PIEZO2: variants seen among roughly 807,000 people sequenced by gnomAD.
PIEZO2 encodes piezo-type mechanosensitive ion channel component 2.
In PIEZO2, 172 loss-of-function variants were observed where a neutral mutation model predicts 337.3. That is an observed-to-expected ratio of 0.51 (90% confidence interval 0.45 to 0.58). The LOEUF is 0.58. Ranked by LOEUF, PIEZO2 falls within the 20% of genes least tolerant of loss-of-function variation. PIEZO2 has a pLI of 0.00. For missense variants in PIEZO2, 3,028 were observed against 3,391.3 expected (o/e 0.89, Z 2.66); for synonymous variants, 1,251 against 1,228.5 (o/e 1.02, Z -0.38).
At position 10,681,271 on chromosome 18, in the gene PIEZO2, A is replaced by G. The variant is rs1481196574; in HGVS notation, c.7779+390T>C. 3.3e-5 allele frequency among the ~76,000 whole-genome samples: 5 copies of G among 152,344 alleles called. No homozygotes were observed. The East Asian group carries it at 9.6e-4, about 29-fold the overall frequency. ...AACCAGCTCCTGTTTGCTGAACCGCAAATTGCCTCTAGTTCTGCTAATGCA... is the reference window on the plus strand; with the variant it reads ...AACCAGCTCCTGTTTGCTGAACCGCGAATTGCCTCTAGTTCTGCTAATGCA... On this transcript the variant is annotated intron_variant, in intron 51 of 55. Transcript: ENST00000674853.
In PIEZO2 at chr18:10,957,408, A is replaced by AC. The variant is rs891128474; in HGVS notation, c.286+22126_286+22127insG. On this transcript the variant is annotated intron_variant, in intron 3 of 55. Transcript: ENST00000674853. ...ACTCTTGTCTCAAAACAAACCAACA[A>AC]AAAAAAAACAAAGCAACAACAACAA... 2.3e-3 allele frequency among the ~76,000 whole-genome samples: 348 copies of AC among 151,184 alleles called. 4 individuals are homozygous for AC. Among genetic ancestry groups the AC allele is most frequent in the African/African-American group, 8.1e-3 (335 of 41,140 alleles).
At chr18:10,731,174 AGAT>A (rs1370685848) in intron 36 of PIEZO2, among the ~76,000 whole-genome samples, 1 of 17,972 alleles carries the variant, frequency 5.6e-5, no homozygotes. Flanking sequence ...CCTACTTAAA[AGAT>A]TATATATATA....
At chr18:11,004,783 C>T (rs1442893800) in intron 2 of PIEZO2, among the ~76,000 whole-genome samples, 2 of 152,180 alleles carry the variant, frequency 1.3e-5, no homozygotes, top group African/African-American at 4.8e-5. Flanking sequence ...AGTGAATTGT[C>T]ATGACATTCA....
rs2037006829 is a variant in PIEZO2, at chr18:11,038,621, G to C, written c.160+27506C>G. Among the ~76,000 whole-genome samples, 1 of 152,186 alleles carries C rather than the reference G, an allele frequency of 6.6e-6. No individual in the cohort carries two copies. The highest frequency in any genetic ancestry group is 6.5e-5 in the Admixed American group (1 of 15,284). On this transcript the variant is annotated intron_variant, in intron 2 of 55. Coordinates refer to ENST00000674853, the MANE Select transcript of PIEZO2 (RefSeq NM_001378183.1). The surrounding 1 kb of genome is among the most constrained non-coding windows in gnomAD (Gnocchi z 4.1). Reference sequence around the variant, plus strand: ...GCAGCTGAGGAGCAGCATGTAGTCAGGAAAGAGCATTCCATCAGAGCCCAG... The same window carrying C: ...GCAGCTGAGGAGCAGCATGTAGTCACGAAAGAGCATTCCATCAGAGCCCAG...
At chr18:11,106,199 G>A (rs1333105896) in intron 1 of PIEZO2, among the ~76,000 whole-genome samples, 1 of 151,612 alleles carries the variant, frequency 6.6e-6, no homozygotes, top group Non-Finnish European at 1.5e-5. Context: ...TCATTCTCCT[G>A]CCTCAGCCTC....
At position 10,903,131 on chromosome 18, in the gene PIEZO2, C is replaced by A. The variant is rs929936488; in HGVS notation, c.329+8055G>T. ...CTACACGCTGACAGTCAATTATTCA[C>A]CAAGTTGTAACTTCGAATTCTACTT... On this transcript the variant is annotated intron_variant, in intron 4 of 55. Coordinates refer to ENST00000674853, the MANE Select transcript of PIEZO2 (RefSeq NM_001378183.1). This position sits in a 1 kb window ranked among gnomAD's most constrained non-coding sequence, Gnocchi z 4.1. Among the ~76,000 whole-genome samples the A allele has an allele frequency of 6.6e-6, 1 of 152,188 alleles. No homozygotes were observed. Among genetic ancestry groups the A allele is most frequent in the African/African-American group, 2.4e-5 (1 of 41,444 alleles).
rs1327205627 is a variant in PIEZO2 at position 11,001,502 on chromosome 18, C to T, written c.161-21842G>A. On this transcript the variant is annotated intron_variant, in intron 2 of 55. Transcript: ENST00000674853. This position sits in a 1 kb window ranked among gnomAD's most constrained non-coding sequence, Gnocchi z 5.3. ...GAAAATCACGACTGTGATTATCCTC[C>T]AGTCCCCTATGTAGCTGTATTTTGT... Among the ~76,000 whole-genome samples the T allele has an allele frequency of 2.0e-5, 3 of 152,096 alleles. No homozygotes were observed. The highest frequency in any genetic ancestry group is 4.1e-4 in the South Asian group (2 of 4,826).
At chr18:10,960,153 T>G (rs1017557657) in intron 3 of PIEZO2, among the ~76,000 whole-genome samples, 1 of 152,196 alleles carries the variant, frequency 6.6e-6, no homozygotes, top group Non-Finnish European at 1.5e-5. Flanking sequence ...TTATTGAAGT[T>G]ATAAAATCCT....
intron 3 of PIEZO2, among the ~76,000 whole-genome samples, chr18:10,955,399 G>C (rs993463022): frequency 6.6e-6 from 1 of 152,162 alleles, no homozygotes; most frequent in African/African-American, 2.4e-5. Flanking sequence ...TTCTTTCTTG[G>C]TTACCTGTTA....
At chr18:10,963,207 C>T (rs575943372) in intron 3 of PIEZO2, among the ~76,000 whole-genome samples, 1 of 152,088 alleles carries the variant, frequency 6.6e-6, no homozygotes, top group South Asian at 2.1e-4. Context: ...ATCTCTTGGA[C>T]CTGGGAGGTG....
intron 2 of PIEZO2, among the ~76,000 whole-genome samples, chr18:11,015,912 GA>G (rs1485680829): frequency 6.6e-6 from 1 of 152,214 alleles, no homozygotes; most frequent in Admixed American, 6.5e-5. Flanking sequence ...TTTTGAAAAT[GA>G]AAACTTTCTA....
rs115762904 is a variant in PIEZO2, at chr18:11,129,934, G to A, written c.64+18591C>T. On this transcript the variant is annotated intron_variant, in intron 1 of 55. Transcript: ENST00000674853. This position sits in a 1 kb window ranked among gnomAD's most constrained non-coding sequence, Gnocchi z 4.6. ...CTCATCCTGTGGTCATTTCCCCAATGCCAGAATGCATAATTGACATAGACA... is the reference window on the plus strand; with the variant it reads ...CTCATCCTGTGGTCATTTCCCCAATACCAGAATGCATAATTGACATAGACA... 9.7e-3 allele frequency among the ~76,000 whole-genome samples: 1,482 copies of A among 152,252 alleles called. 29 individuals carry two copies. The highest frequency in any genetic ancestry group is 0.034 in the African/African-American group (1,410 of 41,556).
intron 2 of PIEZO2, among the ~76,000 whole-genome samples, chr18:11,020,051 T>C (rs747212779): frequency 1.3e-5 from 2 of 152,124 alleles, no homozygotes; most frequent in East Asian, 1.9e-4. Flanking sequence ...TTTAAAAAAA[T>C]TGTATATGAA....
Position 11,125,151 on chromosome 18 carries a change from A to AAC in PIEZO2, c.64+23372_64+23373dup, listed in dbSNP as rs10576283. ...TTTGCAAATATTAAATGGGAGAAAG[A>AAC]ACACACACACACACACATGCACACA... On this transcript the variant is annotated intron_variant, in intron 1 of 55. Transcript: ENST00000674853. The surrounding 1 kb of genome is among the most constrained non-coding windows in gnomAD (Gnocchi z 4.4). Among the ~76,000 whole-genome samples, 1,569 of 151,490 alleles carry AAC rather than the reference A, an allele frequency of 0.01. 25 individuals are homozygous for AAC. The highest frequency in any genetic ancestry group is 0.032 in the African/African-American group (1,312 of 41,342).
Position 11,027,019 on chromosome 18 carries a change from ACT to A in PIEZO2, c.160+39106_160+39107del, listed in dbSNP as rs1420686807. 6.6e-6 allele frequency among the ~76,000 whole-genome samples: 1 copy of A among 152,188 alleles called. No individual in the cohort carries two copies. Among genetic ancestry groups the A allele is most frequent in the Non-Finnish European group, 1.5e-5 (1 of 68,036 alleles). ...ACAGCACTTATGTGTATGAGACAAG[ACT>A]CTGCCCAAAAGTATTTTATAAGCCA... On this transcript the variant is annotated intron_variant, in intron 2 of 55. Transcript: ENST00000674853. The surrounding 1 kb of genome is among the most constrained non-coding windows in gnomAD (Gnocchi z 4.2).
In PIEZO2 at chr18:10,815,982, A is replaced by G. The variant is rs1157514385; in HGVS notation, c.918-8708T>C. Among the ~76,000 whole-genome samples the G allele has an allele frequency of 6.6e-6, 1 of 152,138 alleles. No individual in the cohort carries two copies. The highest frequency in any genetic ancestry group is 2.1e-4 in the South Asian group (1 of 4,824). ...CATCATCAGTGCAATAAAAACTCCCATTTGGAGAAAGGAGGTGCGGGAAAC... is the reference window on the plus strand; with the variant it reads ...CATCATCAGTGCAATAAAAACTCCCGTTTGGAGAAAGGAGGTGCGGGAAAC... On this transcript the variant is annotated intron_variant, in intron 7 of 55. Coordinates refer to ENST00000674853, the MANE Select transcript of PIEZO2 (RefSeq NM_001378183.1). The surrounding 1 kb of genome is among the most constrained non-coding windows in gnomAD (Gnocchi z 4.1).
At chr18:11,081,361 C>T (rs954444472) in intron 1 of PIEZO2, among the ~76,000 whole-genome samples, 1 of 152,126 alleles carries the variant, frequency 6.6e-6, no homozygotes, top group Non-Finnish European at 1.5e-5. Flanking sequence ...GGAAACTTAT[C>T]GCATGAGTCC....
rs1199854082 is a variant in PIEZO2, at chr18:10,726,047, G to T, written c.5029+5360C>A. ...TATGGGCACCCAGGATGTTGGGCAG[G>T]GTGGTATATGTATTCTTGTGTCCAG... On this transcript the variant is annotated intron_variant, in intron 36 of 55. Transcript: ENST00000674853. This position sits in a 1 kb window ranked among gnomAD's most constrained non-coding sequence, Gnocchi z 5.9. Among the ~76,000 whole-genome samples the T allele has an allele frequency of 3.3e-5, 5 of 152,178 alleles. No individual in the cohort carries two copies. The highest frequency in any genetic ancestry group is 1.2e-4 in the African/African-American group (5 of 41,452).
intron 7 of PIEZO2, among the ~76,000 whole-genome samples, chr18:10,840,772 T>C (rs2041165166): frequency 1.3e-5 from 2 of 152,228 alleles, no homozygotes; most frequent in Admixed American, 6.5e-5. Context: ...GCTGTCACTG[T>C]GGCCAGATTC....
Sources: gnomAD v4.1 joint callset for allele counts (sites outside exome capture counted in the v4.1 genomes callset) on GRCh38, gnomAD v4.1.1 for gene constraint, Gnocchi (gnomAD v3.1) non-coding constraint, MANE v1.5 for transcripts, NCBI Gene and HGNC (gene_info 2026-07-23, HGNC 2026-07-21) for gene names.